PUM2: variants seen among roughly 807,000 people sequenced by gnomAD.
The protein encoded by PUM2 is pumilio homolog 2.
Under a neutral mutation model 124.5 loss-of-function variants are expected in PUM2, and 57 were observed. The ratio of observed to expected loss-of-function variants is 0.46; its 90% CI spans 0.37 to 0.57. The LOEUF is 0.57. Among genes scored for constraint, PUM2 ranks in the 20% least tolerant of loss-of-function variants. PUM2 has a pLI of 0.00. For synonymous variants in PUM2, 460 were observed against 446.1 expected, an observed-to-expected ratio of 1.03 and a Z score of -0.39; for missense variants, 1,065 against 1,290.6, an observed-to-expected ratio of 0.83 and a Z score of 2.68.
At chr2:20,334,329 T>C (rs1279332074) in intron 1 of PUM2, among the ~76,000 whole-genome samples, 1 of 152,064 alleles carries the variant, frequency 6.6e-6, no homozygotes, top group African/African-American at 2.4e-5. Context: ...ATTTTTTAAA[T>C]TAAAAATATT....
chr2:20,249,507 T>C lies in PUM2; in HGVS notation c.*2078A>G, dbSNP rs756348771. The C allele has an allele frequency of 1.3e-4, 20 of 152,728 alleles. No homozygotes were observed. The highest frequency in any genetic ancestry group is 3.1e-4 in the African/African-American group (13 of 41,560). 9.5% of individuals were successfully genotyped at this position (152,728 alleles called of 1,614,324 possible). A position where few individuals can be genotyped will look rare whatever the true frequency, so the allele number is the denominator to read the frequency against. On this transcript the variant is annotated 3_prime_UTR_variant, in exon 21 of 21. Transcript: ENST00000361078. ...GATTTAATGGTCTCACCAAGGAATG[T>C]TGGGTTAGAAAAGTAAAATAACTCA...
chr2:20,264,850 A>G (rs1353720990), intron 13 of PUM2, among the ~76,000 whole-genome samples: 2 of 152,188 alleles, frequency 1.3e-5, no homozygotes, highest in Non-Finnish European at 2.9e-5. Flanking sequence ...AAAACAGTCA[A>G]ATCCTGGAGA....
At position 20,311,615 on chromosome 2, in the gene PUM2, C is replaced by T. The variant is rs904785583; in HGVS notation, c.397G>A (p.Gly133Ser). 6.2e-7 allele frequency: 1 copy of T among 1,613,460 alleles called. No homozygotes were observed. Among genetic ancestry groups the T allele is most frequent in the South Asian group, 1.1e-5 (1 of 91,036 alleles). The change falls in exon 5 of 21, where the codon GGC (glycine) becomes AGC (serine). Residue 133 changes from glycine (G) to serine (S), a missense_variant. Coordinates refer to ENST00000361078, the MANE Select transcript of PUM2 (RefSeq NM_015317.5). ...TCCTCCTCAAATGGAGAAGCCTTGC[C>T]TTTTTGATCTCCTTTCTCAGGTCCA... is the stretch of plus-strand genomic sequence containing the variant. ...TDGPEKGDQK[G>S]KASPFEEDQN...
Position 20,307,981 on chromosome 2 carries a change from T to A in PUM2, c.880A>T (p.Ile294Leu), listed in dbSNP as rs1033744145. 1 of 1,613,448 alleles carries A rather than the reference T, an allele frequency of 6.2e-7. No homozygotes were observed. Among genetic ancestry groups the A allele is most frequent in the South Asian group, 1.1e-5 (1 of 91,046 alleles). The change falls in exon 7 of 21, where the codon ATA becomes TTA. Residue 294 changes from isoleucine (I) to leucine (L), a missense_variant. Ile to Leu is a conservative substitution (Grantham distance 5, BLOSUM62 2). Around this residue, in one of 3 missense-constraint regions of PUM2, gnomAD observed 968 missense variants for 1,159.8 expected, o/e 0.83. Transcript: ENST00000361078. ...ATGAGAACGTATGAAGACTCACCTA[T>A]ATGTGGCTGCTGAGCTGCTGCTAAT... ...YALAAAQQPH[I>L]AGVFSAGLAP...
At chr2:20,282,137 G>T (rs1671683395) in intron 12 of PUM2, among the ~76,000 whole-genome samples, 2 of 152,326 alleles carry the variant, frequency 1.3e-5, no homozygotes, top group South Asian at 4.1e-4. Flanking sequence ...TGGGTCAGCT[G>T]TTTTTTCCCT....
intron 1 of PUM2, among the ~76,000 whole-genome samples, chr2:20,330,381 T>G (rs1490476826): frequency 6.6e-6 from 1 of 152,226 alleles, no homozygotes; most frequent in Non-Finnish European, 1.5e-5. Context: ...TGGGGGCTGG[T>G]TGCCAGGGGA....
Position 20,255,235 on chromosome 2 carries a change from T to C in PUM2, c.2729A>G (p.His910Arg), listed in dbSNP as rs1228883847. Residue 910 changes from histidine to arginine, a missense_variant, in exon 18 of 21, where the codon CAT becomes CGT. Around this residue, in one of 3 missense-constraint regions of PUM2, gnomAD observed 968 missense variants for 1,159.8 expected, o/e 0.83. Transcript: ENST00000361078. ...TTATACCTGTACCAACTGCTCTGTATGTTGGTGGAGTTCTTCTAAGATAGG... is the reference window on the plus strand; with the variant it reads ...TTATACCTGTACCAACTGCTCTGTACGTTGGTGGAGTTCTTCTAAGATAGG... ...TLPILEELHQ[H>R]TEQLVQDQYG... 1 of 1,600,350 alleles carries C rather than the reference T, an allele frequency of 6.2e-7. No homozygotes were observed. Among genetic ancestry groups the C allele is most frequent in the African/African-American group, 1.3e-5 (1 of 74,570 alleles).
chr2:20,263,734 A>G (rs1203038191), intron 13 of PUM2, among the ~76,000 whole-genome samples: 1 of 146,352 alleles, frequency 6.8e-6, no homozygotes, highest in Admixed American at 6.6e-5. Context: ...ATCTAGTGTC[A>G]TATGCACTCA....
At chr2:20,311,448 T>A (rs777944140) in intron 5 of PUM2, 46 bp downstream of exon 5, 1 of 1,529,426 alleles carries the variant, frequency 6.5e-7, no homozygotes, top group Admixed American at 1.9e-5. Context: ...ATAGTAATAA[T>A]CCCTAAAAAG....
chr2:20,342,088 C>G lies in PUM2; in HGVS notation c.-19+8509G>C, dbSNP rs1196669231. ...TGGTTGCATGGAGCGGAGATTGCGC[C>G]ACTACACTCCAGCCTGGGCAACAGA... On this transcript the variant is annotated intron_variant, in intron 1 of 20. Transcript: ENST00000361078. Among the ~76,000 whole-genome samples the G allele has an allele frequency of 2.1e-5, 3 of 144,334 alleles. No individual in the cohort carries two copies. In the East Asian group the frequency reaches 6.1e-4, roughly 29 times the overall value. The allele number at this position is 144,334 out of a possible 152,430, so 94.7% of individuals were successfully genotyped here.
intron 15 of PUM2, among the ~76,000 whole-genome samples, chr2:20,259,990 A>T (rs919133229): frequency 7.9e-5 from 12 of 152,222 alleles, no homozygotes; most frequent in African/African-American, 2.9e-4. Flanking sequence ...TAGGTATAAA[A>T]TGGTATCTCA....
intron 12 of PUM2, 124 bp downstream of exon 12, chr2:20,282,823 A>C (rs913859147): frequency 9.1e-6 from 10 of 1,097,018 alleles, no homozygotes; most frequent in Admixed American, 3.0e-5. Flanking sequence ...AAATTAAACC[A>C]GTAGTCCAAT....
Position 20,327,379 on chromosome 2 carries a change from CTGT to C in PUM2, c.-18-4_-18-2del. On this transcript the variant is annotated splice_acceptor_variant and splice_polypyrimidine_tract_variant and intron_variant, in intron 1 of 20. Coordinates refer to ENST00000361078, the MANE Select transcript of PUM2 (RefSeq NM_015317.5). LOFTEE classifies it low-confidence loss of function (5UTR_SPLICE). ...GATTCATTTCATCCACAGATCAAAC[CTGT>C]TGAATAACAAAAACAAAAATTAGTA... 1 of 1,550,742 alleles carries C rather than the reference CTGT, an allele frequency of 6.4e-7. No homozygotes were observed. The highest frequency in any genetic ancestry group is 8.8e-7 in the Non-Finnish European group (1 of 1,135,778).
intron 1 of PUM2, among the ~76,000 whole-genome samples, chr2:20,329,504 C>T (rs969413322): frequency 8.6e-5 from 13 of 150,936 alleles, no homozygotes; most frequent in African/African-American, 3.2e-4. Flanking sequence ...CATATATATA[C>T]AGACTGGACG....
chr2:20,263,564 C>CA, intron 13 of PUM2, 104 bp from the exon 14 acceptor site: 1 of 1,313,320 alleles, frequency 7.6e-7, no homozygotes, highest in East Asian at 2.3e-5. Flanking sequence ...TATTTCCCCC[C>CA]ACTAATTCCT....
Position 20,263,419 on chromosome 2 carries a change from G to A in PUM2, c.1999C>T (p.Pro667Ser). 1.2e-6 allele frequency: 2 copies of A among 1,614,028 alleles called. No homozygotes were observed. Among genetic ancestry groups the A allele is most frequent in the Non-Finnish European group, 1.7e-6 (2 of 1,179,870 alleles). The change falls in exon 14 of 21, where the codon CCT becomes TCT. Residue 667 changes from proline (P) to serine (S), a missense_variant. By Grantham distance (74) the Pro-to-Ser change is moderately conservative. Around this residue, in one of 3 missense-constraint regions of PUM2, gnomAD observed 968 missense variants for 1,159.8 expected, o/e 0.83. Transcript: ENST00000361078. The stretch of plus-strand genomic sequence containing the variant: ...CTTCGATATTTTGCTTCTGCTCCAG[G>A]TGCTGCAGAGATATATCGACCACTA... ...NGSGRYISAAPGAEAKYRSAS... is the reference protein window; with the variant it reads ...NGSGRYISAASGAEAKYRSAS...
Position 20,294,033 on chromosome 2 carries a change from T to C in PUM2, c.1152+343A>G, listed in dbSNP as rs1001249981. On this transcript the variant is annotated intron_variant, in intron 9 of 20. Coordinates refer to ENST00000361078, the MANE Select transcript of PUM2 (RefSeq NM_015317.5). Reference sequence around the variant, plus strand: ...TCAGAAACACATTAACATTTAAAATTGTAATTTAAATACCTGGAAAAATAT... The same window carrying C: ...TCAGAAACACATTAACATTTAAAATCGTAATTTAAATACCTGGAAAAATAT... 2.0e-5 allele frequency among the ~76,000 whole-genome samples: 3 copies of C among 152,178 alleles called. No individual in the cohort carries two copies. The East Asian group carries it at 5.8e-4, about 29-fold the overall frequency.
chr2:20,264,336 CAAAAAAAAAAAA>C (rs869149732), intron 13 of PUM2, among the ~76,000 whole-genome samples: 1 of 25,382 alleles, frequency 3.9e-5, no homozygotes, highest in African/African-American at 1.7e-4. Context: ...CACTCTGTCT[CAAAAAAAAAAAA>C]AAAAAAAAAA....
intron 10 of PUM2, among the ~76,000 whole-genome samples, chr2:20,285,673 T>C (rs1236872001): frequency 6.6e-6 from 1 of 152,110 alleles, no homozygotes; most frequent in Non-Finnish European, 1.5e-5. Flanking sequence ...GGCTACCACA[T>C]GCCAGCCACT....
Sources: allele counts gnomAD v4.1 joint callset (sites outside exome capture counted in the v4.1 genomes callset), GRCh38; gene constraint gnomAD v4.1.1; regional missense constraint gnomAD v4.1.1; transcripts MANE v1.5; gene names NCBI Gene and HGNC (gene_info 2026-07-23, HGNC 2026-07-21).